The following EYS variants were observed in gnomAD, a reference collection of about 807,000 sequenced individuals.
The protein encoded by EYS is protein eyes shut homolog.
A neutral mutation model predicts 282.1 loss-of-function variants in EYS; 250 were observed. The ratio of observed to expected loss-of-function variants is 0.89; its 90% confidence interval spans 0.80 to 0.98. EYS has a LOEUF of 0.98. EYS is among the 50% of genes least tolerant of loss of function. The pLI is 0.00. For synonymous variants in EYS, 1,355 were observed against 1,282.9 expected (o/e 1.06, Z -1.20); for missense variants, 4,016 against 3,709.0 (o/e 1.08, Z -2.15).
At chr6:64,995,912 G>A (rs1771245119) in intron 14 of EYS, among the ~76,000 whole-genome samples, 1 of 152,126 alleles carries the variant, frequency 6.6e-6, no homozygotes, top group South Asian at 2.1e-4. Flanking sequence ...TCAAATGACT[G>A]GCTTAATGTC....
At chr6:64,756,080 C>G (rs1772927881) in intron 22 of EYS, among the ~76,000 whole-genome samples, 1 of 152,094 alleles carries the variant, frequency 6.6e-6, no homozygotes, top group Admixed American at 6.6e-5. Context: ...CTACTCCAAA[C>G]AGATATGAGT....
At chr6:64,689,171 C>G (rs898288164) in intron 22 of EYS, among the ~76,000 whole-genome samples, 3 of 152,258 alleles carry the variant, frequency 2.0e-5, no homozygotes, top group African/African-American at 7.2e-5. Context: ...TTCCTATACA[C>G]TAATAACAGA....
chr6:64,232,840 T>C (rs1188990691), intron 30 of EYS, among the ~76,000 whole-genome samples: 1 of 152,226 alleles, frequency 6.6e-6, no homozygotes, highest in African/African-American at 2.4e-5. Context: ...CTTTCTCTGA[T>C]ATTGCTCTAT....
At chr6:64,568,902 A>C (rs1229714459) in intron 26 of EYS, among the ~76,000 whole-genome samples, 4 of 152,104 alleles carry the variant, frequency 2.6e-5, no homozygotes, top group African/African-American at 9.7e-5. Flanking sequence ...GAATGTGAGA[A>C]GGAAAACTAA....
chr6:64,189,360 G>GA (rs1262470556), intron 31 of EYS, among the ~76,000 whole-genome samples: 3 of 151,870 alleles, frequency 2.0e-5, no homozygotes, highest in East Asian at 1.9e-4. Flanking sequence ...GGATGTTTGG[G>GA]AAAAAAAATC....
chr6:64,762,562 C>CT (rs915065712), intron 22 of EYS, among the ~76,000 whole-genome samples: 117 of 152,206 alleles, frequency 7.7e-4, no homozygotes, highest in African/African-American at 2.6e-3. Flanking sequence ...TTCATCTTTT[C>CT]TTTTTTTCTG....
At position 65,674,832 on chromosome 6, in the gene EYS, G is replaced by C. The variant is rs558510135; in HGVS notation, c.-448+32303C>G. 2.0e-5 allele frequency among the ~76,000 whole-genome samples: 3 copies of C among 152,020 alleles called. No homozygotes were observed. The East Asian group carries it at 5.8e-4, about 30-fold the overall frequency. On this transcript the variant is annotated intron_variant, in intron 1 of 42. Coordinates refer to ENST00000503581, the MANE Select transcript of EYS (RefSeq NM_001142800.2). ...CAAAGGTAAATATTTAATGAATACA[G>C]AATCCTTCAATACTATAATGGTAGC...
At chr6:64,012,577 A>G (rs1768688164) in intron 33 of EYS, among the ~76,000 whole-genome samples, 1 of 152,232 alleles carries the variant, frequency 6.6e-6, no homozygotes, top group Non-Finnish European at 1.5e-5. Context: ...AAAATTAGAC[A>G]TTAGGCAGTA....
At chr6:64,707,555 G>A (rs962490320) in intron 22 of EYS, among the ~76,000 whole-genome samples, 1 of 151,580 alleles carries the variant, frequency 6.6e-6, no homozygotes. Flanking sequence ...TGTAGTCCCA[G>A]CTACTCCGGA....
chr6:64,646,666 C>A (rs1383133421), intron 22 of EYS, among the ~76,000 whole-genome samples: 2 of 151,806 alleles, frequency 1.3e-5, no homozygotes, highest in East Asian at 3.9e-4. Context: ...ATTAGCCGGG[C>A]GTGGTGGCGG....
chr6:65,250,871 C>T (rs1307675671), intron 12 of EYS, among the ~76,000 whole-genome samples: 1 of 151,352 alleles, frequency 6.6e-6, no homozygotes, highest in Admixed American at 6.6e-5. Flanking sequence ...TGTGGAAAGA[C>T]TTAATTCTAC....
chr6:64,134,029 A>T (rs1227114925), intron 31 of EYS, among the ~76,000 whole-genome samples: 1 of 151,968 alleles, frequency 6.6e-6, no homozygotes, highest in East Asian at 1.9e-4. Flanking sequence ...GCTCCTAAGG[A>T]AGTGTGTGCT....
intron 30 of EYS, among the ~76,000 whole-genome samples, chr6:64,247,977 G>A (rs1472352745): frequency 1.3e-5 from 2 of 152,134 alleles, no homozygotes; most frequent in African/African-American, 2.4e-5. Flanking sequence ...GACATTAGCA[G>A]AGTAAGAACT....
intron 22 of EYS, among the ~76,000 whole-genome samples, chr6:64,758,940 C>A (rs970246173): frequency 6.6e-6 from 1 of 152,098 alleles, no homozygotes; most frequent in African/African-American, 2.4e-5. Flanking sequence ...AGATAGAGAC[C>A]ATCCTGGCTA....
chr6:64,030,800 A>G (rs1003939393), intron 33 of EYS, among the ~76,000 whole-genome samples: 1 of 152,220 alleles, frequency 6.6e-6, no homozygotes, highest in South Asian at 2.1e-4. Flanking sequence ...ACCCCAAATC[A>G]GTTCAACTAA....
intron 36 of EYS, among the ~76,000 whole-genome samples, chr6:63,849,115 T>G (rs930342397): frequency 6.6e-6 from 1 of 152,198 alleles, no homozygotes; most frequent in Non-Finnish European, 1.5e-5. Flanking sequence ...ACAAAGCCAC[T>G]GTAGCCAGAC....
chr6:63,912,975 C>T (rs1764307940), intron 35 of EYS, among the ~76,000 whole-genome samples: 1 of 152,178 alleles, frequency 6.6e-6, no homozygotes, highest in Non-Finnish European at 1.5e-5. Flanking sequence ...TGGACTAATA[C>T]AGTGAGGTTA....
intron 31 of EYS, among the ~76,000 whole-genome samples, chr6:64,088,750 A>G (rs534013126): frequency 3.9e-5 from 6 of 152,092 alleles, no homozygotes; most frequent in African/African-American, 1.4e-4. Context: ...AGAAAACACA[A>G]AAGAGATGAG....
At chr6:64,905,160 G>T (rs1437919194) in intron 16 of EYS, among the ~76,000 whole-genome samples, 1 of 152,146 alleles carries the variant, frequency 6.6e-6, no homozygotes, top group African/African-American at 2.4e-5. Flanking sequence ...ACTCTATGTT[G>T]TTCACACAAC....
Sources: allele counts gnomAD v4.1 joint callset (sites outside exome capture counted in the v4.1 genomes callset), GRCh38; gene constraint gnomAD v4.1.1; transcripts MANE v1.5; gene names NCBI Gene and HGNC (gene_info 2026-07-23, HGNC 2026-07-21).